The following FAM200B variants were observed in gnomAD, a reference collection of about 807,000 sequenced individuals.
FAM200B encodes the protein zinc finger BED-type containing 11.
Under a neutral mutation model 33.1 loss-of-function variants are expected in FAM200B, and 32 were observed. The ratio of observed to expected loss-of-function variants is 0.97; its 90% confidence interval spans 0.73 to 1.30. The LOEUF (loss-of-function observed/expected upper bound fraction) is 1.30. Among genes scored for constraint, FAM200B ranks in the 50% most tolerant of loss-of-function variants. The probability of loss-of-function intolerance (pLI) is 0.00; values close to 1 mark genes in which losing one functional copy is unlikely to be tolerated. For synonymous variants in FAM200B, 240 were observed against 264.8 expected, an observed-to-expected ratio of 0.91 and a Z score of 0.91; for missense variants, 741 against 754.0, an observed-to-expected ratio of 0.98 and a Z score of 0.20.
At chr4:15,655,560 G>A in the FAM200B span, 1 of 185,636 alleles carries the variant, frequency 5.4e-6, no homozygotes, top group Non-Finnish European at 1.0e-5. Context: ...GCCGCAGAAG[G>A]AACCCAAACC....
chr4:15,674,204 G>GTT, the FAM200B span, among the ~76,000 whole-genome samples: 271 of 140,228 alleles, frequency 1.9e-3, no homozygotes, highest in Non-Finnish European at 2.8e-3. Context: ...AATGCATCGT[G>GTT]TTTTTTTTTT....
At chr4:15,647,242 A>AG in the FAM200B span, among the ~76,000 whole-genome samples, 1 of 132,768 alleles carries the variant, frequency 7.5e-6, no homozygotes, top group African/African-American at 2.9e-5. Context: ...AAAAAAAAAA[A>AG]AGAAAGAAAA....
the FAM200B span, chr4:15,656,242 T>C: frequency 2.2e-6 from 1 of 456,226 alleles, no homozygotes; most frequent in Non-Finnish European, 4.4e-6. Context: ...GGAAAATGTC[T>C]GCCTCTTTCC....
chr4:15,655,080 C>CGGCT, the FAM200B span: 2 of 666,704 alleles, frequency 3.0e-6, no homozygotes, highest in Non-Finnish European at 4.0e-6. Flanking sequence ...GCTGCGCAGG[C>CGGCT]GGCTACTCGC....
At chr4:15,661,027 A>G in the FAM200B span, among the ~76,000 whole-genome samples, 16 of 152,128 alleles carry the variant, frequency 1.1e-4, no homozygotes, top group African/African-American at 3.9e-4. Context: ...CAGTGAGCCT[A>G]GTTTGAGCCA....
the FAM200B span, among the ~76,000 whole-genome samples, chr4:15,654,149 C>T: frequency 3.7e-4 from 57 of 152,276 alleles, no homozygotes; most frequent in African/African-American, 1.3e-3. Flanking sequence ...TATGAAACAC[C>T]CCTCTTTTCT....
Position 15,688,844 on chromosome 4 carries a change from A to G in FAM200B, c.1867A>G (p.Thr623Ala). 6.4e-7 allele frequency: 1 copy of G among 1,551,524 alleles called. No individual in the cohort carries two copies. The highest frequency in any genetic ancestry group is 1.2e-5 in the South Asian group (1 of 84,056). The stretch of plus-strand genomic sequence containing the variant: ...GTTTTCCATCTTAACGCAGTTAAAA[A>G]CAAAGGAAAGAAATGGGCTGAATTG... ...LGFSILTQLK[T>A]KERNGLNCAA... Residue 623 changes from threonine to alanine, a missense_variant, in exon 2 of 2, where the codon ACA (threonine) becomes GCA (alanine). By Grantham distance (58) the Thr-to-Ala change is moderately conservative (BLOSUM62 0). Coordinates refer to ENST00000422728, the MANE Select transcript of FAM200B (RefSeq NM_001145191.2).
the FAM200B span, among the ~76,000 whole-genome samples, chr4:15,645,405 G>A: frequency 3.3e-5 from 5 of 152,176 alleles, no homozygotes; most frequent in East Asian, 9.7e-4. Context: ...ACTTAACTGT[G>A]TAACCCTGGG....
At chr4:15,652,578 G>C in the FAM200B span, among the ~76,000 whole-genome samples, 2 of 152,162 alleles carry the variant, frequency 1.3e-5, no homozygotes, top group African/African-American at 4.8e-5. Context: ...ACATACATCT[G>C]TCAGCTTTTG....
At chr4:15,674,838 A>C in the FAM200B span, among the ~76,000 whole-genome samples, 1 of 152,116 alleles carries the variant, frequency 6.6e-6, no homozygotes, top group Non-Finnish European at 1.5e-5. Context: ...TTTAGTAGAG[A>C]CGGGGTTTCA....
the FAM200B span, among the ~76,000 whole-genome samples, chr4:15,652,571 T>C: frequency 6.6e-6 from 1 of 152,218 alleles, no homozygotes; most frequent in African/African-American, 2.4e-5. Flanking sequence ...GTCTAAGACA[T>C]ACATCTGTCA....
chr4:15,641,755 G>A, the FAM200B span: 18 of 361,018 alleles, frequency 5.0e-5, no homozygotes, highest in East Asian at 8.0e-5. Context: ...TGCCAGGCAC[G>A]GTGGCTCATG....
the FAM200B span, among the ~76,000 whole-genome samples, chr4:15,662,627 C>T: frequency 8.4e-3 from 1,276 of 152,296 alleles, 9 homozygotes; most frequent in Non-Finnish European, 0.012. Context: ...GTGAGCCTCT[C>T]GTCACCATTC....
the FAM200B span, among the ~76,000 whole-genome samples, chr4:15,666,959 C>T: frequency 6.6e-6 from 1 of 151,660 alleles, no homozygotes; most frequent in Non-Finnish European, 1.5e-5. Flanking sequence ...ATCAAAACAT[C>T]ACATTGTATC....
At position 15,687,146 on chromosome 4, in the gene FAM200B, AAAGT is replaced by A. The variant is rs1220676869; in HGVS notation, c.174_177del (p.Ser59GlnfsTer9). ...ATTTGAGCCACATTTCAAAAAGAAAAAAGTAAGTGCAAGACGTTATAATGAAGAT... is the reference window on the plus strand; with the variant it reads ...ATTTGAGCCACATTTCAAAAAGAAAAAAGTGCAAGACGTTATAATGAAGAT... On this transcript the variant is annotated frameshift_variant, in exon 2 of 2. Coordinates refer to ENST00000422728, the MANE Select transcript of FAM200B (RefSeq NM_001145191.2). LOFTEE classifies it high-confidence loss of function. 5 of 1,547,936 alleles carry A rather than the reference AAAGT, an allele frequency of 3.2e-6. No individual in the cohort carries two copies. The East Asian group carries it at 1.2e-4, about 38-fold the overall frequency.
At chr4:15,646,597 C>A in the FAM200B span, among the ~76,000 whole-genome samples, 1 of 151,888 alleles carries the variant, frequency 6.6e-6, no homozygotes, top group Non-Finnish European at 1.5e-5. Flanking sequence ...GCACAACGTG[C>A]AGGTTTGTTA....
chr4:15,687,549 T>G lies in FAM200B; in HGVS notation c.572T>G (p.Leu191Ter). The change falls in exon 2 of 2, where the codon TTA becomes TGA. Residue 191 changes from leucine (L) to a stop codon, truncating the protein, a stop_gained. Transcript: ENST00000422728. LOFTEE classifies it high-confidence loss of function. ...TTTGATGATAAATCAGCTGATAAATTAAAAACTATACCTAATGATAACACA... is the reference window on the plus strand; with the variant it reads ...TTTGATGATAAATCAGCTGATAAATGAAAAACTATACCTAATGATAACACA... ...TIFDDKSADK[L>*]KTIPNDNTVS... The G allele has an allele frequency of 6.5e-7, 1 of 1,550,304 alleles. No homozygotes were observed. The highest frequency in any genetic ancestry group is 2.4e-5 in the East Asian group (1 of 40,868).
In FAM200B at chr4:15,687,275, C is replaced by T. The variant is rs1172975420; in HGVS notation, c.298C>T (p.Pro100Ser). ...TATTCTTGCGAATGAAAGCTTAAAACCTTCGAAATTAAAAAGGCACTTAGA... is the reference window on the plus strand; with the variant it reads ...TATTCTTGCGAATGAAAGCTTAAAATCTTCGAAATTAAAAAGGCACTTAGA... ...NNILANESLK[P>S]SKLKRHLETQ... The change falls in exon 2 of 2, where the codon CCT (proline) becomes TCT (serine). Residue 100 changes from proline (P) to serine (S), a missense_variant. Pro to Ser is a moderately conservative substitution (Grantham distance 74, BLOSUM62 -1). Coordinates refer to ENST00000422728, the MANE Select transcript of FAM200B (RefSeq NM_001145191.2). The T allele has an allele frequency of 6.5e-7, 1 of 1,547,758 alleles. No homozygotes were observed. Among genetic ancestry groups the T allele is most frequent in the African/African-American group, 1.4e-5 (1 of 72,820 alleles).
At chr4:15,641,463 T>C in the FAM200B span, 3 of 351,528 alleles carry the variant, frequency 8.5e-6, no homozygotes, top group Non-Finnish European at 1.7e-5. Flanking sequence ...ACTTAATAAA[T>C]AGTGAATAGA....
Sources: allele counts gnomAD v4.1 joint callset (sites outside exome capture counted in the v4.1 genomes callset), GRCh38; gene constraint gnomAD v4.1.1; transcripts MANE v1.5; gene names NCBI Gene and HGNC (gene_info 2026-07-23, HGNC 2026-07-21).